OSBPL10: variants seen among roughly 807,000 people sequenced by gnomAD.
OSBPL10 encodes oxysterol binding protein like 10.
In OSBPL10, 49 loss-of-function variants were observed where a neutral mutation model predicts 81.7. That is an observed-to-expected ratio of 0.60 (90% confidence interval 0.48 to 0.76). OSBPL10 has a LOEUF of 0.76. OSBPL10 is among the 30% of genes least tolerant of loss of function. The pLI is 0.00. For synonymous variants in OSBPL10, 419 were observed against 383.6 expected, an observed-to-expected ratio of 1.09 and a Z score of -1.08; for missense variants, 923 against 987.8, an observed-to-expected ratio of 0.93 and a Z score of 0.88.
At chr3:31,830,406 C>T (rs1436070266) in intron 3 of OSBPL10, among the ~76,000 whole-genome samples, 175 bp from the exon 4 acceptor site, 1 of 152,184 alleles carries the variant, frequency 6.6e-6, no homozygotes, top group Non-Finnish European at 1.5e-5. Context: ...ACTCACTGAA[C>T]TGCCCTTCCT....
At chr3:31,747,487 T>TAAAAAAAAAAAAAAAAAAAAAAAAAAAA (rs61150758) in intron 5 of OSBPL10, among the ~76,000 whole-genome samples, 1 of 98,486 alleles carries the variant, frequency 1.0e-5, no homozygotes. Flanking sequence ...AATCTTCAAA[T>TAAAAAAAAAAAAAAAAAAAAAAAAAAAA]AAAAAAAAAA....
chr3:32,068,140 C>T (rs779362708), intron 1 of OSBPL10, among the ~76,000 whole-genome samples: 2 of 152,184 alleles, frequency 1.3e-5, no homozygotes, highest in Non-Finnish European at 2.9e-5. Flanking sequence ...CTTCCAATTC[C>T]AGTTGTTTTC....
At chr3:31,888,201 G>A (rs1695792083) in intron 1 of OSBPL10, among the ~76,000 whole-genome samples, 1 of 152,040 alleles carries the variant, frequency 6.6e-6, no homozygotes, top group Admixed American at 6.6e-5. Flanking sequence ...TTTTGACAAA[G>A]GCACCAAAAA....
At chr3:31,901,082 C>A (rs1378754954) in intron 1 of OSBPL10, among the ~76,000 whole-genome samples, 2 of 152,184 alleles carry the variant, frequency 1.3e-5, no homozygotes, top group Non-Finnish European at 2.9e-5. Context: ...TATGTAATGT[C>A]TTTTCAGCAT....
chr3:31,882,980 G>C (rs182444204), intron 1 of OSBPL10, among the ~76,000 whole-genome samples: 1 of 152,080 alleles, frequency 6.6e-6, no homozygotes, highest in African/African-American at 2.4e-5. Flanking sequence ...GAAGAACCAG[G>C]GTAACTTCTG....
At chr3:31,956,457 C>T (rs1376960765) in intron 1 of OSBPL10, among the ~76,000 whole-genome samples, 9 of 152,146 alleles carry the variant, frequency 5.9e-5, no homozygotes, top group Non-Finnish European at 1.0e-4. Flanking sequence ...GGTGGCTCAC[C>T]CCTGTAATCC....
intron 2 of OSBPL10, among the ~76,000 whole-genome samples, chr3:32,001,621 G>A (rs1381660463): frequency 6.6e-6 from 1 of 152,092 alleles, no homozygotes; most frequent in Non-Finnish European, 1.5e-5. Context: ...AAAATTAATT[G>A]GCATTGCTAT....
upstream of OSBPL10, among the ~76,000 whole-genome samples, chr3:31,984,716 G>C (rs575839191): frequency 6.6e-6 from 1 of 152,270 alleles, no homozygotes; most frequent in Admixed American, 6.5e-5. Context: ...CCTTTCATTA[G>C]TTTTACAAAG....
At chr3:31,977,544 C>T (rs1414550406) in intron 1 of OSBPL10, among the ~76,000 whole-genome samples, 2 of 152,196 alleles carry the variant, frequency 1.3e-5, no homozygotes, top group Non-Finnish European at 2.9e-5. Context: ...GAGGTTTACT[C>T]TCCCCATGGT....
At chr3:31,884,086 T>C (rs1444000887) in intron 1 of OSBPL10, among the ~76,000 whole-genome samples, 1 of 152,246 alleles carries the variant, frequency 6.6e-6, no homozygotes, top group African/African-American at 2.4e-5. Flanking sequence ...GAGGACATTA[T>C]TTAGGAGCTG....
chr3:31,755,408 C>A (rs1697855922), intron 4 of OSBPL10, among the ~76,000 whole-genome samples: 1 of 152,196 alleles, frequency 6.6e-6, no homozygotes, highest in African/African-American at 2.4e-5. Flanking sequence ...TTGTACTAAT[C>A]TTTTTGGTAA....
intron 11 of OSBPL10, 47 bp from the exon 12 acceptor site, chr3:31,662,163 G>A: frequency 6.2e-7 from 1 of 1,612,492 alleles, no homozygotes; most frequent in Non-Finnish European, 8.5e-7. Flanking sequence ...CCTCTCAACA[G>A]GGAAAAGGGG....
At chr3:31,740,952 G>T (rs1338708273) in intron 5 of OSBPL10, among the ~76,000 whole-genome samples, 1 of 149,390 alleles carries the variant, frequency 6.7e-6, no homozygotes, top group Non-Finnish European at 1.5e-5. Flanking sequence ...AAGCAGTATG[G>T]AAATAAAAAC....
At chr3:31,741,810 G>A (rs749613761) in intron 5 of OSBPL10, among the ~76,000 whole-genome samples, 1 of 152,092 alleles carries the variant, frequency 6.6e-6, no homozygotes, top group Non-Finnish European at 1.5e-5. Context: ...TCATGCGGCA[G>A]GTCTATCCCA....
intron 4 of OSBPL10, among the ~76,000 whole-genome samples, chr3:31,757,481 C>CT (rs1404397675): frequency 8.5e-5 from 13 of 152,196 alleles, no homozygotes; most frequent in African/African-American, 3.1e-4. Context: ...AAGGCACCAA[C>CT]TCTACCAATG....
intron 6 of OSBPL10, among the ~76,000 whole-genome samples, chr3:31,712,887 G>A (rs1013777071): frequency 6.6e-6 from 1 of 151,172 alleles, no homozygotes; most frequent in African/African-American, 2.4e-5. Flanking sequence ...CTAATCACTT[G>A]GCCAAAAGCC....
intron 8 of OSBPL10, among the ~76,000 whole-genome samples, chr3:31,682,297 A>G (rs1279197360): frequency 6.6e-6 from 1 of 152,174 alleles, no homozygotes; most frequent in Non-Finnish European, 1.5e-5. Flanking sequence ...CTCCAGCTCA[A>G]AAGCACCAGT....
chr3:31,809,532 G>A (rs753556133), intron 4 of OSBPL10, among the ~76,000 whole-genome samples: 3 of 152,192 alleles, frequency 2.0e-5, no homozygotes, highest in Non-Finnish European at 2.9e-5. Flanking sequence ...GAATAAAAGT[G>A]CCAGTAGGGT....
intron 3 of OSBPL10, among the ~76,000 whole-genome samples, chr3:31,830,695 A>T (rs1700217981): frequency 6.6e-6 from 1 of 152,256 alleles, no homozygotes; most frequent in East Asian, 1.9e-4. Flanking sequence ...CACTGCATCA[A>T]GATTATATTG....
Sources: gnomAD v4.1 joint callset for allele counts (sites outside exome capture counted in the v4.1 genomes callset) on GRCh38, gnomAD v4.1.1 for gene constraint, MANE v1.5 for transcripts, NCBI Gene and HGNC (gene_info 2026-07-23, HGNC 2026-07-21) for gene names.